Variants in ZMPSTE24 observed in about 807,000 individuals in gnomAD.
ZMPSTE24 encodes zinc metallopeptidase STE24, also known as CAAX prenyl protease 1 homolog.
Under a neutral mutation model 56.7 loss-of-function variants are expected in ZMPSTE24, and 48 were observed. That is an observed-to-expected ratio of 0.85 (90% CI 0.67 to 1.08). The LOEUF is 1.08. Ranked by LOEUF, ZMPSTE24 falls within the 50% of genes least tolerant of loss-of-function variation. ZMPSTE24 has a pLI of 0.00. For synonymous variants in ZMPSTE24, 172 were observed against 195.2 expected (o/e 0.88, Z 0.99); for missense variants, 503 against 548.7 (o/e 0.92, Z 0.83).
chr1:40,262,039 A>G (rs1220982410), intron 2 of ZMPSTE24, among the ~76,000 whole-genome samples: 1 of 152,182 alleles, frequency 6.6e-6, no homozygotes, highest in Non-Finnish European at 1.5e-5. Flanking sequence ...GATCATCATC[A>G]TCATCATTTC....
Position 40,292,430 on chromosome 1 carries a change from C to T in ZMPSTE24, c.1204-15C>T, listed in dbSNP as rs1412173063. 6.2e-7 allele frequency: 1 copy of T among 1,612,316 alleles called. No homozygotes were observed. Among genetic ancestry groups the T allele is most frequent in the Admixed American group, 1.7e-5 (1 of 59,994 alleles). ...AGGTGGGCAGTGGCTAAAACCCTTT[C>T]ATTTTCTTTTTCAGGTTCTTTCTTT... On this transcript the variant is annotated splice_polypyrimidine_tract_variant and intron_variant, in intron 9 of 9. Coordinates refer to ENST00000372759, the MANE Select transcript of ZMPSTE24 (RefSeq NM_005857.5).
chr1:40,276,066 A>G (rs1396451049), intron 6 of ZMPSTE24, among the ~76,000 whole-genome samples: 3 of 152,214 alleles, frequency 2.0e-5, no homozygotes, highest in Non-Finnish European at 4.4e-5. Context: ...GGGGAAACAA[A>G]TATCTGGCCT....
intron 6 of ZMPSTE24, among the ~76,000 whole-genome samples, chr1:40,277,078 A>G (rs972610181): frequency 6.0e-5 from 9 of 149,154 alleles, no homozygotes; most frequent in African/African-American, 2.0e-4. Context: ...AGTACAGTAC[A>G]GGGATTCTTT....
At chr1:40,284,280 A>G (rs1308290184) in intron 7 of ZMPSTE24, among the ~76,000 whole-genome samples, 1 of 151,300 alleles carries the variant, frequency 6.6e-6, no homozygotes, top group Non-Finnish European at 1.5e-5. Flanking sequence ...TAATTTTTTT[A>G]TCTGAATTTT....
intron 2 of ZMPSTE24, among the ~76,000 whole-genome samples, chr1:40,264,935 A>T (rs1185201631): frequency 1.3e-5 from 2 of 151,482 alleles, no homozygotes; most frequent in Non-Finnish European, 2.9e-5. Flanking sequence ...AAAGCGCTGG[A>T]ATTATTTTTT....
chr1:40,283,026 G>A (rs905834547), intron 7 of ZMPSTE24, among the ~76,000 whole-genome samples: 3 of 152,148 alleles, frequency 2.0e-5, no homozygotes, highest in Non-Finnish European at 4.4e-5. Context: ...TAGCATCTGA[G>A]CATCTGTTTT....
chr1:40,277,766 C>T (rs986263078), intron 6 of ZMPSTE24, among the ~76,000 whole-genome samples: 28 of 151,628 alleles, frequency 1.8e-4, no homozygotes, highest in African/African-American at 6.1e-4. Context: ...GTCAGGAGTT[C>T]GAGACCAGCC....
intron 9 of ZMPSTE24, 103 bp from the exon 10 acceptor site, chr1:40,292,342 C>T (rs1011292402): frequency 9.4e-7 from 1 of 1,066,246 alleles, no homozygotes; most frequent in Non-Finnish European, 1.4e-6. Context: ...TCCTGCCATT[C>T]CTCTTATCCC....
Position 40,290,838 on chromosome 1 carries a change from A to C in ZMPSTE24, c.1060-16A>C. The C allele has an allele frequency of 6.2e-7, 1 of 1,612,938 alleles. No individual in the cohort carries two copies. Among genetic ancestry groups the C allele is most frequent in the Non-Finnish European group, 8.5e-7 (1 of 1,179,264 alleles). On this transcript the variant is annotated splice_polypyrimidine_tract_variant and intron_variant, in intron 8 of 9. Coordinates refer to ENST00000372759, the MANE Select transcript of ZMPSTE24 (RefSeq NM_005857.5). ...AGCTTGGTAATAACTTAGAAATTTCATGTCCTTCTTTCTAGATGAATTCTT... is the reference window on the plus strand; with the variant it reads ...AGCTTGGTAATAACTTAGAAATTTCCTGTCCTTCTTTCTAGATGAATTCTT...
intron 8 of ZMPSTE24, chr1:40,290,579 G>C (rs2124001253): frequency 3.1e-6 from 1 of 325,172 alleles, no homozygotes; most frequent in East Asian, 8.6e-5. Context: ...TCCTGCCTCA[G>C]CCTCCCGAGT....
intron 5 of ZMPSTE24, among the ~76,000 whole-genome samples, 184 bp from the exon 6 acceptor site, chr1:40,271,710 A>C (rs1557776041): frequency 1.3e-5 from 2 of 152,248 alleles, no homozygotes; most frequent in African/African-American, 2.4e-5. Flanking sequence ...AATTTAATTC[A>C]TCAGACAGAT....
chr1:40,279,396 C>T (rs1643704666), intron 6 of ZMPSTE24, among the ~76,000 whole-genome samples: 1 of 152,128 alleles, frequency 6.6e-6, no homozygotes, highest in Non-Finnish European at 1.5e-5. Context: ...TATAACTAGG[C>T]TCAAACACAT....
chr1:40,269,073 C>CAAAAAAAAAAA (rs60201234), intron 4 of ZMPSTE24, among the ~76,000 whole-genome samples: 2 of 46,228 alleles, frequency 4.3e-5, no homozygotes, highest in Non-Finnish European at 1.2e-4. Flanking sequence ...GACTCCGTCT[C>CAAAAAAAAAAA]AAAAAAAAAA....
intron 6 of ZMPSTE24, among the ~76,000 whole-genome samples, chr1:40,278,557 CAAAAAAAAAAAAA>C (rs397979953): frequency 2.6e-4 from 5 of 19,560 alleles, no homozygotes; most frequent in Admixed American, 7.6e-4. Context: ...GACTCCGTCT[CAAAAAAAAAAAAA>C]AAAAAAAAAA....
At position 40,284,791 on chromosome 1, in the gene ZMPSTE24, C is replaced by T. The variant is rs72670646; in HGVS notation, c.955-1134C>T. Among the ~76,000 whole-genome samples, 27 of 152,182 alleles carry T rather than the reference C, an allele frequency of 1.8e-4. 1 individual carries two copies. Among genetic ancestry groups the T allele is most frequent in the Middle Eastern group, 6.8e-3 (2 of 294 alleles). ...TAACTACTGTTAACATTTGTATATACTTTCAGTCTACTTTTTATATTTGTA... is the reference window on the plus strand; with the variant it reads ...TAACTACTGTTAACATTTGTATATATTTTCAGTCTACTTTTTATATTTGTA... On this transcript the variant is annotated intron_variant, in intron 7 of 9. Transcript: ENST00000372759.
chr1:40,272,786 C>T (rs1643625676), intron 6 of ZMPSTE24, among the ~76,000 whole-genome samples: 1 of 152,204 alleles, frequency 6.6e-6, no homozygotes, highest in South Asian at 2.1e-4. Context: ...TGTAATAGTT[C>T]TGTTCCTGCC....
Position 40,268,424 on chromosome 1 carries a change from T to G in ZMPSTE24, c.363T>G (p.Thr121=), listed in dbSNP as rs1419697979. Residue 121 remains threonine, a synonymous_variant, in exon 4 of 10, where the codon ACT becomes ACG. Transcript: ENST00000372759. Reference sequence around the variant, plus strand: ...TTGTTTTTTCTTTTGTTTAGATCACTCAGTCCCTGGTGTTTCTGCTGTTGG... The same window carrying G: ...TTGTTTTTTCTTTTGTTTAGATCACGCAGTCCCTGGTGTTTCTGCTGTTGG... ...YAGFGPEYEI[T]QSLVFLLLAT... The G allele has an allele frequency of 6.2e-7, 1 of 1,610,694 alleles. No individual in the cohort carries two copies. Among genetic ancestry groups the G allele is most frequent in the African/African-American group, 1.3e-5 (1 of 74,902 alleles).
At position 40,291,007 on chromosome 1, in the gene ZMPSTE24, G is replaced by A. The variant is rs756057709; in HGVS notation, c.1203+10G>A. The stretch of plus-strand genomic sequence containing the variant: ...TTCACCTTACAATGAGGTAATGTAT[G>A]ATCTTTAAAATTATCACACATATGC... On this transcript the variant is annotated intron_variant, in intron 9 of 9. Coordinates refer to ENST00000372759, the MANE Select transcript of ZMPSTE24 (RefSeq NM_005857.5). The A allele has an allele frequency of 2.0e-5, 33 of 1,613,228 alleles. No individual in the cohort carries two copies. The East Asian group carries it at 2.7e-4, about 13-fold the overall frequency.
Position 40,258,265 on chromosome 1 carries a change from G to A in ZMPSTE24, c.-7G>A, listed in dbSNP as rs1260213159. 1.9e-6 allele frequency: 3 copies of A among 1,613,484 alleles called. No individual in the cohort carries two copies. The South Asian group carries it at 3.3e-5, about 18-fold the overall frequency. The stretch of plus-strand genomic sequence containing the variant: ...CACGCTGAAGGAGCCGGCGGAACCG[G>A]GTGGCCATGGGGATGTGGGCATCGC... On this transcript the variant is annotated 5_prime_UTR_variant, in exon 1 of 10. Coordinates refer to ENST00000372759, the MANE Select transcript of ZMPSTE24 (RefSeq NM_005857.5).
Sources: allele counts gnomAD v4.1 joint callset (sites outside exome capture counted in the v4.1 genomes callset), GRCh38; gene constraint gnomAD v4.1.1; transcripts MANE v1.5; gene names NCBI Gene and HGNC (gene_info 2026-07-23, HGNC 2026-07-21).